GSS: variants seen among roughly 807,000 people sequenced by gnomAD.
GSS encodes glutathione synthetase, also known as GSH synthetase.
A neutral mutation model predicts 60.4 loss-of-function variants in GSS; 34 were observed. The observed-to-expected ratio is 0.56, with a 90% CI of 0.43 to 0.75. The LOEUF is 0.75. Ranked by LOEUF, GSS falls within the 30% of genes least tolerant of loss-of-function variation. The pLI is 0.00. For missense variants in GSS, 499 were observed against 595.1 expected (o/e 0.84, Z 1.68); for synonymous variants, 224 against 239.0 (o/e 0.94, Z 0.58).
At chr20:34,937,272 G>A (rs974353201) in intron 6 of GSS, among the ~76,000 whole-genome samples, 2 of 152,152 alleles carry the variant, frequency 1.3e-5, no homozygotes, top group Non-Finnish European at 2.9e-5. Flanking sequence ...TCTCCAGTGG[G>A]CAGATGAAAT....
At chr20:34,931,847 C>A in intron 10 of GSS, 92 bp downstream of exon 10, 1 of 1,226,334 alleles carries the variant, frequency 8.2e-7, no homozygotes. Context: ...TTCCCCTTGT[C>A]ACAATGCCAG....
intron 8 of GSS, 80 bp downstream of exon 8, chr20:34,936,683 A>G: frequency 9.9e-7 from 1 of 1,007,822 alleles, no homozygotes; most frequent in Non-Finnish European, 1.6e-6. Flanking sequence ...ATCTCCCAGA[A>G]GAAAGAATCA....
rs1386741805 is a variant in GSS, at chr20:34,929,402, T to G, written c.1300A>C (p.Arg434=). ...AAGAGCTTCTCCTGATTGGCTCACC[T>G]GACATAGACCCCAAAGATGCCCAGC... ...SELGIFGVYV[R]QEKTLVMNKH... is the part of the protein sequence containing the mutation. Residue 434 remains arginine, a splice_region_variant and synonymous_variant, in exon 12 of 13, where the codon AGG becomes CGG. Transcript: ENST00000651619. The G allele has an allele frequency of 1.2e-6, 2 of 1,613,648 alleles. No individual in the cohort carries two copies. Among genetic ancestry groups the G allele is most frequent in the Admixed American group, 3.3e-5 (2 of 60,028 alleles).
At chr20:34,952,205 G>C in intron 1 of GSS, 1 of 362,914 alleles carries the variant, frequency 2.8e-6, no homozygotes, top group Non-Finnish European at 5.3e-6. Context: ...TGGACTCCCA[G>C]CCTAAAGGCT....
At chr20:34,932,276 A>G in intron 9 of GSS, 143 bp from the exon 10 acceptor site, 1 of 760,582 alleles carries the variant, frequency 1.3e-6, no homozygotes. Context: ...CATCCTTGTG[A>G]GCCAGGTGTG....
chr20:34,932,049 C>T lies in GSS; in HGVS notation c.919G>A (p.Val307Met). The T allele has an allele frequency of 6.2e-7, 1 of 1,614,206 alleles. No homozygotes were observed. The highest frequency in any genetic ancestry group is 8.5e-7 in the Non-Finnish European group (1 of 1,180,006). Residue 307 changes from valine to methionine, a missense_variant, in exon 10 of 13, where the codon GTG becomes ATG. By Grantham distance (21) the Val-to-Met change is conservative (BLOSUM62 1). Transcript: ENST00000651619. ...IATQLAGTKK[V>M]QQELSRPGML... ...CCCGGCCTGCTTAGCTCCTGCTGCA[C>T]CTTCTTAGTCCCAGCCAGCTGGGTG...
At chr20:34,951,124 AG>A (rs1441473123) in intron 2 of GSS, among the ~76,000 whole-genome samples, 1 of 152,182 alleles carries the variant, frequency 6.6e-6, no homozygotes, top group East Asian at 1.9e-4. Flanking sequence ...AGTAGAGGGA[AG>A]CTAAACTGTG....
Position 34,946,122 on chromosome 20 carries a change from G to A in GSS, c.130-24C>T, listed in dbSNP as rs2081520735. ...ACCTGTGATCAAGAAGAGAGAATGG[G>A]ACAGGGGTAGGGCACCTGTGAACGG... On this transcript the variant is annotated intron_variant, in intron 2 of 12. Transcript: ENST00000651619. The A allele has an allele frequency of 1.9e-6, 3 of 1,598,586 alleles. No homozygotes were observed. In the East Asian group the frequency reaches 6.7e-5, roughly 36 times the overall value.
In GSS at chr20:34,932,011, C is replaced by T. The variant is rs202181009; in HGVS notation, c.957G>A (p.Met319Ile). The change falls in exon 10 of 13, where the codon ATG becomes ATA. Residue 319 changes from methionine (M) to isoleucine (I), a missense_variant. Met to Ile is a conservative substitution (Grantham distance 10). Coordinates refer to ENST00000651619, the MANE Select transcript of GSS (RefSeq NM_000178.4). ...QELSRPGMLE[M>I]LLPGQPEAVA... Reference sequence around the variant, plus strand: ...CAGCCTCAGGCTGGCCAGGGAGCAACATCTCCAGCATGCCCGGCCTGCTTA... The same window carrying T: ...CAGCCTCAGGCTGGCCAGGGAGCAATATCTCCAGCATGCCCGGCCTGCTTA... The T allele has an allele frequency of 2.4e-5, 39 of 1,614,236 alleles. No homozygotes were observed. Among genetic ancestry groups the T allele is most frequent in the Admixed American group, 1.2e-4 (7 of 60,030 alleles).
At chr20:34,931,553 G>T (rs777420286) in intron 10 of GSS, 136 bp from the exon 11 acceptor site, 2 of 747,348 alleles carry the variant, frequency 2.7e-6, no homozygotes, top group Admixed American at 4.0e-5. Flanking sequence ...CAGGCAGGAT[G>T]CTACTATCTG....
intron 4 of GSS, 36 bp from the exon 5 acceptor site, chr20:34,942,663 A>T (rs2081493434): frequency 1.2e-6 from 2 of 1,610,716 alleles, no homozygotes; most frequent in Admixed American, 1.7e-5. Flanking sequence ...GTACCTGCCC[A>T]GGGACTGACT....
chr20:34,928,874 C>A lies in GSS; in HGVS notation c.1379G>T (p.Gly460Val). The A allele has an allele frequency of 6.2e-7, 1 of 1,614,026 alleles. No homozygotes were observed. The highest frequency in any genetic ancestry group is 8.5e-7 in the Non-Finnish European group (1 of 1,179,990). The change falls in exon 13 of 13, where the codon GGT (glycine) becomes GTT (valine). Residue 460 changes from glycine (G) to valine (V), a missense_variant. By Grantham distance (109) the Gly-to-Val change is moderately radical. Transcript: ENST00000651619. ...RTKAIEHADG[G>V]VAAGVAVLDN... is the part of the protein sequence containing the mutation. The stretch of plus-strand genomic sequence containing the variant: ...CAGGACTGCCACTCCCGCTGCCACA[C>A]CACCATCTGCATGCTCGATGGCTTT...
Position 34,946,102 on chromosome 20 carries a change from T to C in GSS, c.130-4A>G, listed in dbSNP as rs1428120223. The C allele has an allele frequency of 6.2e-7, 1 of 1,607,126 alleles. No homozygotes were observed. Among genetic ancestry groups the C allele is most frequent in the Non-Finnish European group, 8.5e-7 (1 of 1,174,634 alleles). On this transcript the variant is annotated splice_polypyrimidine_tract_variant and splice_region_variant and intron_variant, in intron 2 of 12. Coordinates refer to ENST00000651619, the MANE Select transcript of GSS (RefSeq NM_000178.4). Reference sequence around the variant, plus strand: ...TGAATGGGGCATAGCTCACCACCTGTGATCAAGAAGAGAGAATGGGACAGG... The same window carrying C: ...TGAATGGGGCATAGCTCACCACCTGCGATCAAGAAGAGAGAATGGGACAGG...
intron 3 of GSS, among the ~76,000 whole-genome samples, chr20:34,945,383 G>GAAA (rs11453665): frequency 7.1e-6 from 1 of 141,484 alleles, no homozygotes; most frequent in Non-Finnish European, 1.5e-5. Flanking sequence ...AGAATCTGAA[G>GAAA]AAAAAAAAAA....
chr20:34,928,744 G>A lies in GSS; in HGVS notation c.*84C>T, dbSNP rs1026274627. On this transcript the variant is annotated 3_prime_UTR_variant, in exon 13 of 13. Coordinates refer to ENST00000651619, the MANE Select transcript of GSS (RefSeq NM_000178.4). ...TTACCCTTCCATAAAAACTTTGGAG[G>A]TCTTTAGGAGGATACCCCTCAGGAG... 6.0e-6 allele frequency: 9 copies of A among 1,494,690 alleles called. No individual in the cohort carries two copies. Among genetic ancestry groups the A allele is most frequent in the South Asian group, 5.7e-5 (5 of 87,534 alleles). 92.6% of individuals were successfully genotyped at this position (1,494,690 alleles called of 1,614,324 possible).
At position 34,931,941 on chromosome 20, in the gene GSS, C is replaced by A. The variant is rs1298569005; in HGVS notation, c.1027G>T (p.Val343Leu). The A allele has an allele frequency of 1.9e-6, 3 of 1,613,812 alleles. No homozygotes were observed. Among genetic ancestry groups the A allele is most frequent in the East Asian group, 2.2e-5 (1 of 44,880 alleles). ...ATFAGLYSLD[V>L]GEEGDQAIAE... is the part of the protein sequence containing the mutation. Reference sequence around the variant, plus strand: ...GGAGAAACAGGCTGCCCACGTACCACATCCAGTGAGTAGAGGCCAGCAAAG... The same window carrying A: ...GGAGAAACAGGCTGCCCACGTACCAAATCCAGTGAGTAGAGGCCAGCAAAG... The change falls in exon 10 of 13, where the codon GTG becomes TTG. Residue 343 changes from valine (V) to leucine (L), a missense_variant and splice_region_variant. By Grantham distance (32) the Val-to-Leu change is conservative. Transcript: ENST00000651619.
In GSS at chr20:34,931,382, A is replaced by T; in HGVS notation, c.1065T>A (p.Leu355=). The T allele has an allele frequency of 2.5e-6, 4 of 1,614,234 alleles. No homozygotes were observed. The highest frequency in any genetic ancestry group is 3.4e-6 in the Non-Finnish European group (4 of 1,180,030). Residue 355 remains leucine, a synonymous_variant, in exon 11 of 13, where the codon CTT becomes CTA. Transcript: ENST00000651619. ...EEGDQAIAEA[L]AAPSRFVLKP... ...TTAGCACAAACCGGCTAGGGGCAGC[A>T]AGGGCCTCGGCGATGGCCTGGTCCC...
intron 12 of GSS, 32 bp from the exon 13 acceptor site, chr20:34,928,983 C>T (rs970714630): frequency 6.2e-7 from 1 of 1,612,352 alleles, no homozygotes. Context: ...ACACACATCA[C>T]CTGGACTCAG....
intron 1 of GSS, among the ~76,000 whole-genome samples, chr20:34,953,668 T>G (rs1351514396): frequency 2.0e-5 from 3 of 149,444 alleles, no homozygotes; most frequent in Non-Finnish European, 3.0e-5. Context: ...CAGGCTGGAG[T>G]GCAGCCGCAC....
Sources: gnomAD v4.1 joint callset for allele counts (sites outside exome capture counted in the v4.1 genomes callset) on GRCh38, gnomAD v4.1.1 for gene constraint, MANE v1.5 for transcripts, NCBI Gene and HGNC (gene_info 2026-07-23, HGNC 2026-07-21) for gene names.